Variants in VAV3 observed in about 807,000 individuals in gnomAD.
VAV3 encodes guanine nucleotide exchange factor VAV3.
A neutral mutation model predicts 131.2 loss-of-function variants in VAV3; 94 were observed. The ratio of observed to expected loss-of-function variants is 0.72; its 90% confidence interval spans 0.61 to 0.85. The LOEUF is 0.85. Ranked by LOEUF, VAV3 falls within the 40% of genes least tolerant of loss-of-function variation. VAV3 has a pLI of 0.00. For synonymous variants in VAV3, 349 were observed against 342.0 expected (o/e 1.02, Z -0.22); for missense variants, 939 against 1,002.7 (o/e 0.94, Z 0.86).
At position 107,679,470 on chromosome 1, in the gene VAV3, TG is replaced by T. The variant is rs1658450783; in HGVS notation, c.1777+4017del. 2.0e-5 allele frequency among the ~76,000 whole-genome samples: 3 copies of T among 152,174 alleles called. No homozygotes were observed. In the South Asian group the frequency reaches 6.2e-4, roughly 32 times the overall value. On this transcript the variant is annotated intron_variant, in intron 19 of 26. Transcript: ENST00000370056. ...AATCTTTAGGCAGCACAACACAGAA[TG>T]GTCGCCTGAAGTGTTTAAAAGCTAG... is the stretch of plus-strand genomic sequence containing the variant.
intron 24 of VAV3, 60 bp downstream of exon 24, chr1:107,602,337 G>C: frequency 8.2e-7 from 1 of 1,217,560 alleles, no homozygotes; most frequent in Non-Finnish European, 1.1e-6. Context: ...GAATTAAAAT[G>C]ACCTTTCTAA....
chr1:107,933,998 C>T (rs1007324892), intron 1 of VAV3, among the ~76,000 whole-genome samples: 1 of 152,142 alleles, frequency 6.6e-6, no homozygotes, highest in African/African-American at 2.4e-5. Context: ...GAAAGCACTA[C>T]CACTGGTCTC....
rs1346177028 is a variant in VAV3 at position 107,688,374 on chromosome 1, A to G, written c.1731+7T>C. 6.2e-6 allele frequency: 10 copies of G among 1,612,612 alleles called. No homozygotes were observed. The highest frequency in any genetic ancestry group is 1.3e-5 in the African/African-American group (1 of 75,026). On this transcript the variant is annotated splice_region_variant and intron_variant, in intron 18 of 26. Transcript: ENST00000370056. ...GTTATAAAAAATATTTAAAATGTTA[A>G]TCTTACCTCTGGTAGTTTGAGTGTC...
chr1:107,821,617 A>G (rs1429038902), intron 2 of VAV3, among the ~76,000 whole-genome samples: 1 of 152,234 alleles, frequency 6.6e-6, no homozygotes, highest in Non-Finnish European at 1.5e-5. Flanking sequence ...ACACGTCCAC[A>G]GTAAAATGGA....
Position 107,776,695 on chromosome 1 carries a change from T to C in VAV3, c.446+536A>G, listed in dbSNP as rs996249380. 1.3e-5 allele frequency among the ~76,000 whole-genome samples: 2 copies of C among 152,312 alleles called. 1 individual carries two copies. The highest frequency in any genetic ancestry group is 4.1e-4 in the South Asian group (2 of 4,822). ...TCATCAGTTCCTTGAGGAGTAACGA[T>C]CACGCATATATTTATTTGTAATCTG... On this transcript the variant is annotated intron_variant, in intron 4 of 26. Coordinates refer to ENST00000370056, the MANE Select transcript of VAV3 (RefSeq NM_006113.5).
intron 17 of VAV3, among the ~76,000 whole-genome samples, chr1:107,703,636 C>T (rs2101841731): frequency 6.6e-6 from 1 of 152,324 alleles, no homozygotes; most frequent in Admixed American, 6.5e-5. Context: ...TTTCTGAACT[C>T]AGCTCCGAAA....
intron 17 of VAV3, among the ~76,000 whole-genome samples, chr1:107,695,983 G>T (rs1270210445): frequency 4.6e-5 from 7 of 152,170 alleles, no homozygotes; most frequent in South Asian, 2.1e-4. Context: ...GTCTGATGTT[G>T]AATAAAGATA....
At chr1:107,705,284 ACCTAAT>A (rs1401433782) in intron 15 of VAV3, among the ~76,000 whole-genome samples, 1 of 151,648 alleles carries the variant, frequency 6.6e-6, no homozygotes, top group Admixed American at 6.6e-5. Flanking sequence ...GGACATAGCA[ACCTAAT>A]CCTCCTCAGA....
At chr1:107,694,890 T>C (rs1659653453) in intron 17 of VAV3, among the ~76,000 whole-genome samples, 1 of 152,158 alleles carries the variant, frequency 6.6e-6, no homozygotes, top group African/African-American at 2.4e-5. Flanking sequence ...TCAATTATAA[T>C]AAATGTGATA....
At chr1:107,725,944 C>T (rs1227113297) in intron 15 of VAV3, among the ~76,000 whole-genome samples, 4 of 152,130 alleles carry the variant, frequency 2.6e-5, no homozygotes, top group African/African-American at 9.7e-5. Flanking sequence ...AGTAACCATA[C>T]TGTCCTGGGT....
At chr1:107,598,801 T>TATACACACACAC (rs1651601873) in intron 24 of VAV3, among the ~76,000 whole-genome samples, 1 of 149,864 alleles carries the variant, frequency 6.7e-6, no homozygotes, top group Non-Finnish European at 1.5e-5. Context: ...GTCTCTGGAA[T>TATACACACACAC]ACACACACAC....
intron 25 of VAV3, among the ~76,000 whole-genome samples, chr1:107,578,508 G>A (rs1011766372): frequency 3.9e-5 from 6 of 152,160 alleles, no homozygotes; most frequent in Admixed American, 3.3e-4. Flanking sequence ...AGAAAATCTG[G>A]TGCTAAGATT....
At chr1:107,751,303 TA>T in intron 12 of VAV3, 101 bp from the exon 13 acceptor site, 1 of 922,300 alleles carries the variant, frequency 1.1e-6, no homozygotes, top group Non-Finnish European at 1.6e-6. Context: ...CTTATTACAT[TA>T]AAATGTTACC....
intron 1 of VAV3, among the ~76,000 whole-genome samples, chr1:107,885,773 G>A (rs191787403): frequency 6.6e-6 from 1 of 152,270 alleles, no homozygotes; most frequent in Non-Finnish European, 1.5e-5. Context: ...AAGTGATGGT[G>A]CAAGGTTCTA....
At chr1:107,859,575 G>A (rs144949817) in intron 2 of VAV3, among the ~76,000 whole-genome samples, 2 of 152,186 alleles carry the variant, frequency 1.3e-5, no homozygotes, top group African/African-American at 4.8e-5. Context: ...TATTTACTGA[G>A]TCCCTTCCAC....
chr1:107,817,167 T>C (rs78499451), intron 2 of VAV3, among the ~76,000 whole-genome samples: 14,205 of 152,128 alleles, frequency 0.093, 830 homozygotes, highest in East Asian at 0.26. Flanking sequence ...ATTATGATAG[T>C]AGGCAGACAA....
At chr1:107,732,405 G>A (rs1280608038) in intron 15 of VAV3, among the ~76,000 whole-genome samples, 1 of 152,234 alleles carries the variant, frequency 6.6e-6, no homozygotes, top group Non-Finnish European at 1.5e-5. Flanking sequence ...AAGCTGGGCA[G>A]GGCATCGCCT....
chr1:107,597,585 G>C (rs189537789), intron 24 of VAV3, among the ~76,000 whole-genome samples: 21 of 152,254 alleles, frequency 1.4e-4, no homozygotes, highest in Non-Finnish European at 2.9e-4. Context: ...AAGTAGCTTG[G>C]CTTAAACTGA....
intron 2 of VAV3, among the ~76,000 whole-genome samples, chr1:107,826,733 G>A (rs986337166): frequency 2.0e-5 from 3 of 152,128 alleles, no homozygotes; most frequent in Non-Finnish European, 4.4e-5. Context: ...CCCTGTTACA[G>A]AGGCTACGAA....
Sources: allele counts gnomAD v4.1 joint callset (sites outside exome capture counted in the v4.1 genomes callset), GRCh38; gene constraint gnomAD v4.1.1; transcripts MANE v1.5; gene names NCBI Gene and HGNC (gene_info 2026-07-23, HGNC 2026-07-21).